BNC2: variants seen among roughly 807,000 people sequenced by gnomAD.
BNC2 encodes basonuclin zinc finger protein 2, also known as zinc finger protein basonuclin-2.
In BNC2, 20 loss-of-function variants were observed where a neutral mutation model predicts 76.3. That is an observed-to-expected ratio of 0.26 (90% CI 0.18 to 0.38). The LOEUF (loss-of-function observed/expected upper bound fraction) is 0.38, where lower values mean the gene tolerates loss of function less well. BNC2 is among the 10% of genes least tolerant of loss of function. The pLI is 1.00. For synonymous variants in BNC2, 582 were observed against 514.8 expected (o/e 1.13, Z -1.77); for missense variants, 1,382 against 1,399.8 (o/e 0.99, Z 0.20).
At chr9:16,766,022 C>T (rs1002482366) in intron 1 of BNC2, among the ~76,000 whole-genome samples, 14 of 152,072 alleles carry the variant, frequency 9.2e-5, no homozygotes, top group African/African-American at 3.4e-4. Context: ...CTCCTGACCT[C>T]GTGATCCGCC....
At chr9:16,535,373 G>T (rs1212573190) in intron 5 of BNC2, among the ~76,000 whole-genome samples, 2 of 152,188 alleles carry the variant, frequency 1.3e-5, no homozygotes, top group Non-Finnish European at 2.9e-5. Flanking sequence ...GAAGTTGCAT[G>T]AATGTCCTAT....
chr9:16,574,395 A>C (rs1819425024), intron 4 of BNC2, among the ~76,000 whole-genome samples: 1 of 152,250 alleles, frequency 6.6e-6, no homozygotes. Context: ...GATTTTTAGC[A>C]GGTAAATATT....
rs150254171 is a variant in BNC2 at position 16,551,978 on chromosome 9, T to C, written c.669+552A>G. 3.7e-4 allele frequency among the ~76,000 whole-genome samples: 57 copies of C among 152,274 alleles called. No individual in the cohort carries two copies. The East Asian group carries it at 6.0e-3, about 16-fold the overall frequency. ...AATCATGTCTGTGTGTTTCAGAAGG[T>C]AGAAATCTGAAGGCTATCATGTGAG... On this transcript the variant is annotated intron_variant, in intron 5 of 6. Transcript: ENST00000380672.
At chr9:16,434,928 C>G in intron 6 of BNC2, 1 of 469,142 alleles carries the variant, frequency 2.1e-6, no homozygotes, top group Non-Finnish European at 4.4e-6. Flanking sequence ...TTTCCCACAT[C>G]AACAATTACA....
chr9:16,512,138 C>T (rs966965950), intron 5 of BNC2, among the ~76,000 whole-genome samples: 2 of 152,116 alleles, frequency 1.3e-5, no homozygotes, highest in African/African-American at 4.8e-5. Context: ...ACGCATTACC[C>T]TCCTCAATAT....
chr9:16,745,862 T>G (rs929945029), intron 1 of BNC2, among the ~76,000 whole-genome samples: 1 of 152,216 alleles, frequency 6.6e-6, no homozygotes, highest in African/African-American at 2.4e-5. Flanking sequence ...TTGAGACAGC[T>G]ATTTTTTCAG....
chr9:16,424,977 TA>T (rs1336505646), intron 6 of BNC2, among the ~76,000 whole-genome samples: 2 of 152,190 alleles, frequency 1.3e-5, no homozygotes, highest in African/African-American at 4.8e-5. Context: ...TACAGGTTAT[TA>T]TTTAAAGATT....
At chr9:16,793,309 AACAG>A (rs1172464157) in intron 1 of BNC2, among the ~76,000 whole-genome samples, 1 of 152,202 alleles carries the variant, frequency 6.6e-6, no homozygotes, top group African/African-American at 2.4e-5. Flanking sequence ...TCCAACTATA[AACAG>A]CAGAAACAAA....
intron 3 of BNC2, among the ~76,000 whole-genome samples, chr9:16,726,026 C>A (rs1049381959): frequency 6.7e-6 from 1 of 149,142 alleles, no homozygotes; most frequent in East Asian, 2.0e-4. Flanking sequence ...ACGACCTCCA[C>A]TAACTCAAGG....
intron 5 of BNC2, among the ~76,000 whole-genome samples, chr9:16,548,228 G>T (rs562103314): frequency 1.3e-5 from 2 of 152,014 alleles, no homozygotes; most frequent in African/African-American, 2.4e-5. Context: ...ATAAAAACTT[G>T]ATTTTTAAAT....
chr9:16,838,154 C>A (rs1818750169), intron 1 of BNC2, among the ~76,000 whole-genome samples: 1 of 152,224 alleles, frequency 6.6e-6, no homozygotes, highest in Non-Finnish European at 1.5e-5. Flanking sequence ...TTACACTGTA[C>A]ACAAGTTTCA....
At chr9:16,843,077 A>G (rs1386924613) in intron 1 of BNC2, among the ~76,000 whole-genome samples, 1 of 152,226 alleles carries the variant, frequency 6.6e-6, no homozygotes, top group Non-Finnish European at 1.5e-5. Flanking sequence ...TACACTTTAA[A>G]AAGTTGAGGG....
At chr9:16,461,561 C>T (rs991861422) in intron 5 of BNC2, among the ~76,000 whole-genome samples, 1 of 150,562 alleles carries the variant, frequency 6.6e-6, no homozygotes, top group African/African-American at 2.4e-5. Flanking sequence ...CGTTTCAATC[C>T]AGCGCCTGCA....
rs60545823 is a variant in BNC2, at chr9:16,614,958, TAAAAAAAAAAAAAAAAAA to T, written c.331-31891_331-31874del. Among the ~76,000 whole-genome samples the T allele has an allele frequency of 6.7e-4, 42 of 62,514 alleles. 1 individual carries two copies. Among genetic ancestry groups the T allele is most frequent in the African/African-American group, 1.1e-3 (16 of 15,178 alleles). The allele number at this position is 62,514 out of a possible 152,430, so 41.0% of individuals were successfully genotyped here. A position where few individuals can be genotyped will look rare whatever the true frequency, so the allele number is the denominator to read the frequency against. ...ATGACAGAGTGAGACTCTGTCTCTT[TAAAAAAAAAAAAAAAAAA>T]AAAAAAAAAAAAAAAAAAAAAAAAA... On this transcript the variant is annotated intron_variant, in intron 3 of 6. Coordinates refer to ENST00000380672, the MANE Select transcript of BNC2 (RefSeq NM_017637.6).
intron 1 of BNC2, chr9:16,867,942 A>C (rs1241515340): frequency 1.3e-5 from 2 of 152,068 alleles, no homozygotes; most frequent in Admixed American, 6.6e-5. Context: ...GGGATGTCAC[A>C]CACTACCTGT....
In BNC2 at chr9:16,562,044, A is replaced by G. The variant is rs548566265; in HGVS notation, c.434-9279T>C. Reference sequence around the variant, plus strand: ...CAAAAAAAACAATTAATAAAGGCTCATATTTCCCTGACTATACACAGATGA... The same window carrying G: ...CAAAAAAAACAATTAATAAAGGCTCGTATTTCCCTGACTATACACAGATGA... On this transcript the variant is annotated intron_variant, in intron 4 of 6. Coordinates refer to ENST00000380672, the MANE Select transcript of BNC2 (RefSeq NM_017637.6). Among the ~76,000 whole-genome samples, 5 of 152,264 alleles carry G rather than the reference A, an allele frequency of 3.3e-5. No homozygotes were observed. In the East Asian group the frequency reaches 7.7e-4, roughly 23 times the overall value.
At chr9:16,818,089 C>A (rs1256397586) in intron 1 of BNC2, among the ~76,000 whole-genome samples, 4 of 151,982 alleles carry the variant, frequency 2.6e-5, no homozygotes, top group African/African-American at 9.7e-5. Flanking sequence ...AAGCCTGCAA[C>A]TGCAACTATA....
chr9:16,461,494 A>G (rs1164946072), intron 5 of BNC2, among the ~76,000 whole-genome samples: 1 of 151,972 alleles, frequency 6.6e-6, no homozygotes, highest in Non-Finnish European at 1.5e-5. Flanking sequence ...TAATCCTCTA[A>G]GAGCCTCCTA....
intron 5 of BNC2, among the ~76,000 whole-genome samples, chr9:16,438,493 C>A (rs1372395192): frequency 6.6e-6 from 1 of 152,034 alleles, no homozygotes; most frequent in Non-Finnish European, 1.5e-5. Flanking sequence ...TGAGATTTGC[C>A]TGGAGGTAGG....
Sources: allele counts gnomAD v4.1 joint callset (sites outside exome capture counted in the v4.1 genomes callset), GRCh38; gene constraint gnomAD v4.1.1; transcripts MANE v1.5; gene names NCBI Gene and HGNC (gene_info 2026-07-23, HGNC 2026-07-21).